The following EYS variants were observed in gnomAD, a reference collection of about 807,000 sequenced individuals.
EYS encodes EGF-like photoreceptor maintenance factor, also known as protein eyes shut homolog.
A neutral mutation model predicts 282.1 loss-of-function variants in EYS; 250 were observed. That is an observed-to-expected ratio of 0.89 (90% CI 0.80 to 0.98). EYS has a LOEUF of 0.98. Among genes scored for constraint, EYS ranks in the 50% least tolerant of loss-of-function variants. The pLI is 0.00. For synonymous variants in EYS, 1,355 were observed against 1,282.9 expected (o/e 1.06, Z -1.20); for missense variants, 4,016 against 3,709.0 (o/e 1.08, Z -2.15).
At chr6:65,176,625 A>C (rs1765232789) in intron 12 of EYS, among the ~76,000 whole-genome samples, 1 of 151,646 alleles carries the variant, frequency 6.6e-6, no homozygotes, top group Non-Finnish European at 1.5e-5. Context: ...CCTGGGATTT[A>C]AGTTTCTCCA....
At chr6:64,348,224 T>C (rs1207945514) in intron 29 of EYS, among the ~76,000 whole-genome samples, 1 of 151,472 alleles carries the variant, frequency 6.6e-6, no homozygotes, top group Non-Finnish European at 1.5e-5. Context: ...AAATTTATTA[T>C]GTAGATTATT....
intron 21 of EYS, among the ~76,000 whole-genome samples, chr6:64,817,980 G>A (rs1044831182): frequency 6.6e-6 from 1 of 152,002 alleles, no homozygotes; most frequent in Non-Finnish European, 1.5e-5. Flanking sequence ...TATTCACTAC[G>A]AGTTAAAGCA....
chr6:64,712,677 C>A (rs1413805443), intron 22 of EYS, among the ~76,000 whole-genome samples: 3 of 152,174 alleles, frequency 2.0e-5, no homozygotes, highest in Non-Finnish European at 4.4e-5. Context: ...AACTTGCAAA[C>A]CACAAAGGCA....
chr6:64,941,780 G>A (rs1242794258), intron 15 of EYS, among the ~76,000 whole-genome samples: 1 of 152,076 alleles, frequency 6.6e-6, no homozygotes, highest in African/African-American at 2.4e-5. Context: ...TTGCTGCAAA[G>A]AACATGACTT....
intron 12 of EYS, among the ~76,000 whole-genome samples, chr6:65,127,746 C>G (rs1456026534): frequency 6.6e-6 from 1 of 152,012 alleles, no homozygotes; most frequent in East Asian, 1.9e-4. Context: ...CCTTCAGTAT[C>G]CATTTCTTCA....
intron 29 of EYS, among the ~76,000 whole-genome samples, chr6:64,354,471 G>T (rs1423357526): frequency 2.0e-5 from 3 of 151,528 alleles, no homozygotes; most frequent in Non-Finnish European, 4.4e-5. Flanking sequence ...TAACTTCACA[G>T]TTTGTTTCCT....
intron 12 of EYS, among the ~76,000 whole-genome samples, chr6:65,181,660 G>C (rs1277124097): frequency 6.6e-6 from 1 of 152,040 alleles, no homozygotes. Context: ...CGATTCCTTA[G>C]GGATCTAGAA....
At chr6:64,332,531 T>C (rs1353138885) in intron 29 of EYS, among the ~76,000 whole-genome samples, 1 of 152,210 alleles carries the variant, frequency 6.6e-6, no homozygotes, top group East Asian at 1.9e-4. Flanking sequence ...AAGTTGCAGG[T>C]ATCACACCTT....
chr6:65,568,997 T>A (rs1020487522), intron 2 of EYS, among the ~76,000 whole-genome samples: 3 of 152,184 alleles, frequency 2.0e-5, no homozygotes, highest in African/African-American at 7.2e-5. Context: ...ACAATTTAAC[T>A]TTGAGACAAC....
chr6:65,047,372 C>A (rs935798134), intron 13 of EYS, among the ~76,000 whole-genome samples: 1 of 151,820 alleles, frequency 6.6e-6, no homozygotes, highest in Non-Finnish European at 1.5e-5. Flanking sequence ...TTGATCTTGA[C>A]AAAGTCCAAT....
intron 12 of EYS, among the ~76,000 whole-genome samples, chr6:65,182,045 C>T (rs1432925120): frequency 6.6e-6 from 1 of 151,726 alleles, no homozygotes; most frequent in Non-Finnish European, 1.5e-5. Context: ...ACATCACACA[C>T]CGGGGCCTGT....
At chr6:63,950,557 C>T (rs1242321290) in intron 35 of EYS, among the ~76,000 whole-genome samples, 3 of 152,148 alleles carry the variant, frequency 2.0e-5, no homozygotes, top group Non-Finnish European at 4.4e-5. Flanking sequence ...TCACACAAAG[C>T]CTGTTTGGTG....
At chr6:65,480,233 A>G (rs1765560057) in intron 5 of EYS, among the ~76,000 whole-genome samples, 2 of 152,238 alleles carry the variant, frequency 1.3e-5, no homozygotes, top group Admixed American at 1.3e-4. Context: ...TTTGTATTAT[A>G]TGCATACATG....
intron 29 of EYS, among the ~76,000 whole-genome samples, chr6:64,385,476 A>C (rs1005533130): frequency 2.6e-5 from 4 of 152,188 alleles, no homozygotes; most frequent in Non-Finnish European, 4.4e-5. Flanking sequence ...AGGTAACTTT[A>C]TTGGTCCAAA....
chr6:64,124,878 G>A (rs895195548), intron 31 of EYS, among the ~76,000 whole-genome samples: 9 of 152,176 alleles, frequency 5.9e-5, no homozygotes, highest in African/African-American at 1.4e-4. Context: ...TGCAAAGAGC[G>A]ATAAAGCTGA....
intron 5 of EYS, among the ~76,000 whole-genome samples, chr6:65,470,603 G>A (rs1334599466): frequency 3.3e-5 from 5 of 152,062 alleles, no homozygotes; most frequent in Non-Finnish European, 7.4e-5. Context: ...AACGTTAAAT[G>A]ATTACATATG....
intron 1 of EYS, among the ~76,000 whole-genome samples, chr6:65,692,144 T>C (rs915235770): frequency 6.6e-5 from 10 of 150,440 alleles, no homozygotes; most frequent in South Asian, 4.2e-4. Context: ...GAGGCCATTA[T>C]ACCAAGTGAC....
At chr6:65,410,814 G>T (rs1311163011) in intron 5 of EYS, among the ~76,000 whole-genome samples, 1 of 151,678 alleles carries the variant, frequency 6.6e-6, no homozygotes, top group Non-Finnish European at 1.5e-5. Context: ...AACAATGGAA[G>T]AATGGATAAA....
chr6:63,827,615 C>G (rs368617458), intron 36 of EYS, among the ~76,000 whole-genome samples: 2 of 151,998 alleles, frequency 1.3e-5, no homozygotes, highest in Non-Finnish European at 2.9e-5. Context: ...GAGGCCGAGG[C>G]GGGTGGATCA....
Sources: gnomAD v4.1 joint callset for allele counts (sites outside exome capture counted in the v4.1 genomes callset) on GRCh38, gnomAD v4.1.1 for gene constraint, MANE v1.5 for transcripts, NCBI Gene and HGNC (gene_info 2026-07-23, HGNC 2026-07-21) for gene names.